The following TENM3 variants were observed in gnomAD, a reference collection of about 807,000 sequenced individuals.
The protein encoded by TENM3 is teneurin-3.
TENM3 carries 63 observed loss-of-function variants against 255.1 expected under a neutral mutation model. The ratio of observed to expected loss-of-function variants is 0.25; its 90% CI spans 0.20 to 0.30. The LOEUF (loss-of-function observed/expected upper bound fraction) is 0.30, where lower values mean the gene tolerates loss of function less well. Ranked by LOEUF, TENM3 falls within the 10% of genes least tolerant of loss-of-function variation. The pLI is 1.00. For synonymous variants in TENM3, 1,306 were observed against 1,322.3 expected (o/e 0.99, Z 0.27); for missense variants, 2,929 against 3,461.1 (o/e 0.85, Z 3.86).
the TENM3 span, among the ~76,000 whole-genome samples, chr4:181,852,927 G>A: frequency 2.7e-4 from 41 of 152,262 alleles, 2 homozygotes; most frequent in East Asian, 7.0e-3. Context: ...AATGGTTAAA[G>A]TGATAAACGT....
chr4:181,672,777 A>G, the TENM3 span, among the ~76,000 whole-genome samples: 1 of 152,212 alleles, frequency 6.6e-6, no homozygotes. Flanking sequence ...TGCATATAGT[A>G]TAATCAATCT....
At chr4:182,248,201 G>A (rs953230872) in intron 1 of TENM3, among the ~76,000 whole-genome samples, 2 of 152,148 alleles carry the variant, frequency 1.3e-5, no homozygotes, top group Admixed American at 6.5e-5. Context: ...CACGGCACAC[G>A]CATACCTGTG....
At chr4:182,797,206 G>T (rs892640157) in intron 27 of TENM3, among the ~76,000 whole-genome samples, 1 of 152,154 alleles carries the variant, frequency 6.6e-6, no homozygotes, top group Non-Finnish European at 1.5e-5. Flanking sequence ...TTGGGAGGCC[G>T]AGGAGGTCGG....
chr4:181,619,559 C>A, the TENM3 span, among the ~76,000 whole-genome samples: 5 of 151,858 alleles, frequency 3.3e-5, no homozygotes, highest in Admixed American at 6.6e-5. Flanking sequence ...GTAGCTGGGA[C>A]CATAGGCACA....
At chr4:181,981,903 C>T in the TENM3 span, among the ~76,000 whole-genome samples, 5 of 152,096 alleles carry the variant, frequency 3.3e-5, no homozygotes, top group African/African-American at 7.2e-5. Context: ...AAGTTGGCCC[C>T]GTCATTAGGT....
At chr4:181,814,091 A>G in the TENM3 span, among the ~76,000 whole-genome samples, 1 of 152,212 alleles carries the variant, frequency 6.6e-6, no homozygotes, top group Non-Finnish European at 1.5e-5. Context: ...TCATCCCATT[A>G]AAGGCTTTAG....
At chr4:181,582,694 A>G in the TENM3 span, among the ~76,000 whole-genome samples, 2 of 151,236 alleles carry the variant, frequency 1.3e-5, no homozygotes, top group South Asian at 2.1e-4. Flanking sequence ...AAAGAAAGAA[A>G]GAAAAGAAAA....
chr4:181,506,891 A>G, the TENM3 span, among the ~76,000 whole-genome samples: 1 of 152,200 alleles, frequency 6.6e-6, no homozygotes, highest in African/African-American at 2.4e-5. Context: ...TATTACAAAT[A>G]GTGTGTATTC....
At chr4:181,930,224 A>T in the TENM3 span, among the ~76,000 whole-genome samples, 1 of 152,230 alleles carries the variant, frequency 6.6e-6, no homozygotes, top group African/African-American at 2.4e-5. Flanking sequence ...CAATGAATCC[A>T]GGAGCTGGTT....
At chr4:182,401,395 G>C (rs1253514895) in intron 3 of TENM3, among the ~76,000 whole-genome samples, 2 of 152,170 alleles carry the variant, frequency 1.3e-5, no homozygotes, top group East Asian at 3.8e-4. Flanking sequence ...ATTTAGTAAA[G>C]AGAGAACTTA....
At chr4:182,729,940 A>G (rs1760558540) in intron 14 of TENM3, among the ~76,000 whole-genome samples, 1 of 152,192 alleles carries the variant, frequency 6.6e-6, no homozygotes, top group South Asian at 2.1e-4. Context: ...TCATCTCTAA[A>G]TTATTAGTCT....
At chr4:181,983,734 A>AT in the TENM3 span, among the ~76,000 whole-genome samples, 7 of 151,932 alleles carry the variant, frequency 4.6e-5, no homozygotes, top group Middle Eastern at 3.4e-3. Flanking sequence ...ACTGGGACCG[A>AT]TTTTTTTTCA....
At chr4:181,960,797 T>G in the TENM3 span, among the ~76,000 whole-genome samples, 5 of 152,230 alleles carry the variant, frequency 3.3e-5, no homozygotes. Context: ...AATGTACTTT[T>G]AAGCTTACTT....
intron 1 of TENM3, among the ~76,000 whole-genome samples, chr4:182,289,060 G>C (rs761197302): frequency 1.3e-4 from 20 of 149,398 alleles, no homozygotes; most frequent in Non-Finnish European, 2.7e-4. Flanking sequence ...CCCTGTCTTG[G>C]CAAAAAAAAA....
At chr4:182,524,524 A>AT (rs1230815688) in intron 3 of TENM3, among the ~76,000 whole-genome samples, 24 of 151,348 alleles carry the variant, frequency 1.6e-4, no homozygotes, top group Admixed American at 1.4e-3. Context: ...ATGCCTGGCT[A>AT]TTTTATTTTA....
the TENM3 span, among the ~76,000 whole-genome samples, chr4:181,718,080 CTAAAAGGAA>C: frequency 1.8e-3 from 161 of 89,620 alleles, 1 homozygote; most frequent in African/African-American, 5.2e-3. Context: ...AATAAAAGAA[CTAAAAGGAA>C]ATAATCATAA....
At chr4:182,327,263 A>G (rs955534) in intron 2 of TENM3, among the ~76,000 whole-genome samples, 2 of 151,892 alleles carry the variant, frequency 1.3e-5, no homozygotes, top group Non-Finnish European at 1.5e-5. Flanking sequence ...AAAAATATTC[A>G]TAGTAGCCAA....
chr4:182,216,607 A>G (rs964342253), intron 1 of TENM3, among the ~76,000 whole-genome samples: 1 of 152,248 alleles, frequency 6.6e-6, no homozygotes, highest in African/African-American at 2.4e-5. Context: ...TACAGGCGTC[A>G]TAGTCTTTGG....
the TENM3 span, among the ~76,000 whole-genome samples, chr4:182,029,885 C>G: frequency 2.1e-5 from 3 of 143,470 alleles, no homozygotes; most frequent in Non-Finnish European, 2.9e-5. Flanking sequence ...TATCCAACAA[C>G]TGCTAACATT....
Sources: allele counts gnomAD v4.1 joint callset (sites outside exome capture counted in the v4.1 genomes callset), GRCh38; gene constraint gnomAD v4.1.1; transcripts MANE v1.5; gene names NCBI Gene and HGNC (gene_info 2026-07-23, HGNC 2026-07-21).